Variants in UNC5D observed in about 807,000 individuals in gnomAD.
UNC5D encodes netrin receptor UNC5D.
In UNC5D, 39 loss-of-function variants were observed where a neutral mutation model predicts 105.4. The observed-to-expected ratio is 0.37, with a 90% CI of 0.29 to 0.48. The LOEUF is 0.48. Among genes scored for constraint, UNC5D ranks in the 20% least tolerant of loss-of-function variants. The pLI is 0.98. For synonymous variants in UNC5D, 452 were observed against 450.4 expected, an observed-to-expected ratio of 1.00 and a Z score of -0.04; for missense variants, 991 against 1,202.4, an observed-to-expected ratio of 0.82 and a Z score of 2.60.
intron 16 of UNC5D, among the ~76,000 whole-genome samples, chr8:35,782,946 G>A (rs1431328391): frequency 1.3e-5 from 2 of 151,960 alleles, no homozygotes; most frequent in African/African-American, 2.4e-5. Context: ...GTGAGCCCTG[G>A]CAACATTGTG....
chr8:35,273,713 T>C (rs1805580342), intron 1 of UNC5D, among the ~76,000 whole-genome samples: 1 of 152,220 alleles, frequency 6.6e-6, no homozygotes. Flanking sequence ...CACTCTAGGA[T>C]GGTAATATTT....
chr8:35,554,571 C>A (rs6990731), intron 2 of UNC5D, among the ~76,000 whole-genome samples: 34,449 of 152,108 alleles, frequency 0.23, 5,994 homozygotes, highest in African/African-American at 0.47. Flanking sequence ...AGGAGCTTTA[C>A]TCTAACAGGC....
At chr8:35,269,500 T>G (rs1445704331) in intron 1 of UNC5D, among the ~76,000 whole-genome samples, 1 of 152,228 alleles carries the variant, frequency 6.6e-6, no homozygotes. Context: ...CCACTTGCTT[T>G]ATGATAGTGT....
chr8:35,376,274 T>C (rs536979317), intron 1 of UNC5D, among the ~76,000 whole-genome samples: 1 of 152,314 alleles, frequency 6.6e-6, no homozygotes, highest in African/African-American at 2.4e-5. Flanking sequence ...TGTGTTGGAA[T>C]TCCAAGTCCT....
chr8:35,405,206 A>T (rs1255876059), intron 1 of UNC5D, among the ~76,000 whole-genome samples: 1 of 152,180 alleles, frequency 6.6e-6, no homozygotes, highest in Non-Finnish European at 1.5e-5. Context: ...ATGCACCCAG[A>T]TAATGGGGAA....
chr8:35,418,112 G>A (rs1805643808), intron 1 of UNC5D, among the ~76,000 whole-genome samples: 1 of 151,966 alleles, frequency 6.6e-6, no homozygotes, highest in Admixed American at 6.6e-5. Flanking sequence ...ATAGAGATAG[G>A]GGATTGATTT....
chr8:35,289,159 G>GA (rs1806844005), intron 1 of UNC5D, among the ~76,000 whole-genome samples: 1 of 152,136 alleles, frequency 6.6e-6, no homozygotes, highest in Non-Finnish European at 1.5e-5. Context: ...AGAAGGGATG[G>GA]AAAATGGTAT....
chr8:35,402,106 G>A (rs1804506540), intron 1 of UNC5D, among the ~76,000 whole-genome samples: 2 of 152,156 alleles, frequency 1.3e-5, no homozygotes, highest in Admixed American at 1.3e-4. Flanking sequence ...TGATAGGCAA[G>A]GAGTTTGGTC....
chr8:35,354,765 C>T (rs181993753), intron 1 of UNC5D, among the ~76,000 whole-genome samples: 70 of 152,236 alleles, frequency 4.6e-4, no homozygotes, highest in Middle Eastern at 3.4e-3. Context: ...GGATTTTCTG[C>T]GTCAGGATGT....
At chr8:35,581,862 C>T (rs961599151) in intron 3 of UNC5D, among the ~76,000 whole-genome samples, 19 of 152,266 alleles carry the variant, frequency 1.2e-4, no homozygotes, top group Middle Eastern at 3.4e-3. Context: ...TGACAAGACC[C>T]AGGGGTATCC....
At chr8:35,422,115 A>G (rs1805948511) in intron 1 of UNC5D, among the ~76,000 whole-genome samples, 1 of 152,226 alleles carries the variant, frequency 6.6e-6, no homozygotes, top group Non-Finnish European at 1.5e-5. Flanking sequence ...CAGTGATTAG[A>G]TGCCTAGAGA....
At chr8:35,441,031 T>C (rs149023807) in intron 1 of UNC5D, among the ~76,000 whole-genome samples, 2 of 152,048 alleles carry the variant, frequency 1.3e-5, no homozygotes, top group African/African-American at 4.8e-5. Flanking sequence ...TTGCAGGTCT[T>C]TGGGGCAGGC....
chr8:35,449,886 T>C (rs1028988030), intron 1 of UNC5D, among the ~76,000 whole-genome samples: 1 of 152,156 alleles, frequency 6.6e-6, no homozygotes, highest in Non-Finnish European at 1.5e-5. Flanking sequence ...TGGGCTTCCA[T>C]GGTGATCCAT....
intron 1 of UNC5D, among the ~76,000 whole-genome samples, chr8:35,317,578 A>G (rs1809400757): frequency 6.6e-6 from 1 of 152,106 alleles, no homozygotes; most frequent in Non-Finnish European, 1.5e-5. Context: ...ACGCCCATCA[A>G]TTTTACAATG....
chr8:35,747,449 A>T (rs1372963495), intron 11 of UNC5D, among the ~76,000 whole-genome samples: 3 of 152,184 alleles, frequency 2.0e-5, no homozygotes, highest in Admixed American at 2.0e-4. Context: ...TTTTTTGGTC[A>T]AGGATGAAGT....
chr8:35,389,570 A>T lies in UNC5D; in HGVS notation c.103+153683A>T, dbSNP rs559286134. On this transcript the variant is annotated intron_variant, in intron 1 of 16. Transcript: ENST00000404895. ...CACATCTTTCCCCTGCCTCTTTTAT[A>T]AAAAACAAGAAAGAACATTATGACT... Among the ~76,000 whole-genome samples, 28 of 152,280 alleles carry T rather than the reference A, an allele frequency of 1.8e-4. 1 individual carries two copies. The highest frequency in any genetic ancestry group is 8.3e-4 in the South Asian group (4 of 4,816).
At chr8:35,762,574 T>A (rs1050258410) in intron 14 of UNC5D, among the ~76,000 whole-genome samples, 1 of 152,160 alleles carries the variant, frequency 6.6e-6, no homozygotes, top group Non-Finnish European at 1.5e-5. Flanking sequence ...ATTAGGAATA[T>A]GTGATTTTCG....
intron 2 of UNC5D, among the ~76,000 whole-genome samples, chr8:35,566,058 T>C (rs1817314342): frequency 6.6e-6 from 1 of 152,164 alleles, no homozygotes; most frequent in Non-Finnish European, 1.5e-5. Context: ...CCTATTTGAT[T>C]TAGGAGTTGG....
intron 1 of UNC5D, among the ~76,000 whole-genome samples, chr8:35,488,315 T>A (rs1256085089): frequency 6.6e-6 from 1 of 152,110 alleles, no homozygotes; most frequent in East Asian, 1.9e-4. Flanking sequence ...ACTGGTAGAT[T>A]TCTTGGATTC....
Sources: allele counts gnomAD v4.1 joint callset (sites outside exome capture counted in the v4.1 genomes callset), GRCh38; gene constraint gnomAD v4.1.1; transcripts MANE v1.5; gene names NCBI Gene and HGNC (gene_info 2026-07-23, HGNC 2026-07-21).